Variants in SPTSSB observed in about 807,000 individuals in gnomAD.
SPTSSB encodes androgen down regulated in mouse prostate.
In SPTSSB, 6 loss-of-function variants were observed where a neutral mutation model predicts 7.7. The ratio of observed to expected loss-of-function variants is 0.78; its 90% CI spans 0.43 to 1.54. The LOEUF is 1.54. Ranked by LOEUF, SPTSSB falls within the 40% of genes most tolerant of loss-of-function variation. SPTSSB has a pLI of 0.01. For synonymous variants in SPTSSB, 28 were observed against 29.7 expected (o/e 0.94, Z 0.19); for missense variants, 91 against 93.0 (o/e 0.98, Z 0.09).
intron 1 of SPTSSB, among the ~76,000 whole-genome samples, chr3:161,368,429 C>T (rs1715307632): frequency 7.4e-6 from 1 of 134,792 alleles, no homozygotes; most frequent in Non-Finnish European, 1.6e-5. Context: ...ATCTTACCTT[C>T]TTTTTTTTTT....
At chr3:161,369,031 G>C (rs1293107682) in intron 1 of SPTSSB, among the ~76,000 whole-genome samples, 1 of 152,150 alleles carries the variant, frequency 6.6e-6, no homozygotes, top group Non-Finnish European at 1.5e-5. Context: ...GAACATTTGT[G>C]TACAGTTCTT....
Position 161,344,869 on chromosome 3 carries a change from C to T in SPTSSB, c.*1224G>A, listed in dbSNP as rs1714135001. The T allele has an allele frequency of 6.6e-6, 1 of 152,566 alleles. No homozygotes were observed. Among genetic ancestry groups the T allele is most frequent in the Non-Finnish European group, 1.5e-5 (1 of 68,000 alleles). The allele number at this position is 152,566 out of a possible 1,614,324, so 9.5% of individuals were successfully genotyped here. A position where few individuals can be genotyped will look rare whatever the true frequency, so the allele number is the denominator to read the frequency against. On this transcript the variant is annotated 3_prime_UTR_variant, in exon 3 of 3. Transcript: ENST00000620149. ...GTTCAGATCTGGTTTCTCTTCAAAA[C>T]ATGTGTTTGTTTTTTTAACAAACAT...
At chr3:161,366,306 T>C (rs1715216362) in intron 1 of SPTSSB, among the ~76,000 whole-genome samples, 1 of 152,246 alleles carries the variant, frequency 6.6e-6, no homozygotes, top group African/African-American at 2.4e-5. Context: ...TGCAGTGATT[T>C]ACATAGGTTG....
intron 1 of SPTSSB, among the ~76,000 whole-genome samples, chr3:161,363,699 G>A (rs1415236472): frequency 1.3e-5 from 2 of 152,048 alleles, no homozygotes; most frequent in Non-Finnish European, 2.9e-5. Context: ...TGTAGTCAAA[G>A]TATGTATTTA....
chr3:161,359,626 T>A (rs534543440), intron 2 of SPTSSB, 176 bp downstream of exon 2: 1 of 632,114 alleles, frequency 1.6e-6, no homozygotes, highest in African/African-American at 2.0e-5. Flanking sequence ...TTACTAGAGC[T>A]AATTGCCCCA....
At chr3:161,368,825 T>C (rs1412868384) in intron 1 of SPTSSB, among the ~76,000 whole-genome samples, 2 of 152,260 alleles carry the variant, frequency 1.3e-5, no homozygotes, top group African/African-American at 4.8e-5. Flanking sequence ...TCATATAGTA[T>C]GTGGTCTTCT....
chr3:161,345,097 T>A lies in SPTSSB; in HGVS notation c.*996A>T, dbSNP rs927718547. Reference sequence around the variant, plus strand: ...ATTCACATTTGCTTCAGCAGTATAATTAAAACCTTATATTTGTTTTAAAGA... The same window carrying A: ...ATTCACATTTGCTTCAGCAGTATAAATAAAACCTTATATTTGTTTTAAAGA... On this transcript the variant is annotated 3_prime_UTR_variant, in exon 3 of 3. Transcript: ENST00000620149. 1 of 152,656 alleles carries A rather than the reference T, an allele frequency of 6.6e-6. No individual in the cohort carries two copies. 9.5% of individuals were successfully genotyped at this position (152,656 alleles called of 1,614,324 possible). A position where few individuals can be genotyped will look rare whatever the true frequency, so the allele number is the denominator to read the frequency against.
chr3:161,360,932 A>G (rs2108164758), intron 1 of SPTSSB, among the ~76,000 whole-genome samples: 1 of 152,334 alleles, frequency 6.6e-6, no homozygotes, highest in Middle Eastern at 3.4e-3. Context: ...TAAGCGGTCC[A>G]ATATTCTTAC....
rs756557030 is a variant in SPTSSB at position 161,369,302 on chromosome 3, C to CTT, written c.-126+2131_-126+2132dup. 7.4e-4 allele frequency among the ~76,000 whole-genome samples: 43 copies of CTT among 57,770 alleles called. 1 individual carries two copies. The highest frequency in any genetic ancestry group is 4.6e-3 in the African/African-American group (39 of 8,546). The allele number at this position is 57,770 out of a possible 152,430, so 37.9% of individuals were successfully genotyped here. On this transcript the variant is annotated intron_variant, in intron 1 of 2. Coordinates refer to ENST00000620149, the MANE Select transcript of SPTSSB (RefSeq NM_001040100.2). ...CTTTCTTTCTTTTCTTTCTTTCTTTCTTTCTTTCTTTCTCTTTCTTTCTTT... is the reference window on the plus strand; with the variant it reads ...CTTTCTTTCTTTTCTTTCTTTCTTTCTTTTTCTTTCTTTCTCTTTCTTTCTTT...
intron 1 of SPTSSB, among the ~76,000 whole-genome samples, chr3:161,365,621 T>C (rs1310728924): frequency 6.6e-6 from 1 of 152,242 alleles, no homozygotes; most frequent in Non-Finnish European, 1.5e-5. Context: ...TCAATCAAAA[T>C]TTGTTGAATG....
intron 2 of SPTSSB, among the ~76,000 whole-genome samples, chr3:161,357,672 A>G (rs923769535): frequency 2.0e-5 from 3 of 152,208 alleles, no homozygotes; most frequent in Admixed American, 2.0e-4. Flanking sequence ...AAAAAAGAGC[A>G]TCCTGTATTA....
At chr3:161,360,469 C>T (rs933230041) in intron 1 of SPTSSB, among the ~76,000 whole-genome samples, 1 of 152,044 alleles carries the variant, frequency 6.6e-6, no homozygotes, top group Non-Finnish European at 1.5e-5. Flanking sequence ...CAGTCTTTTT[C>T]CTCATATATA....
intron 1 of SPTSSB, among the ~76,000 whole-genome samples, chr3:161,361,739 T>G (rs113313107): frequency 1.3e-5 from 2 of 152,180 alleles, no homozygotes; most frequent in Non-Finnish European, 2.9e-5. Context: ...TGCATTTTAT[T>G]TCCTCTTATC....
At position 161,345,991 on chromosome 3, in the gene SPTSSB, T is replaced by C; in HGVS notation, c.*102A>G. On this transcript the variant is annotated 3_prime_UTR_variant, in exon 3 of 3. Coordinates refer to ENST00000620149, the MANE Select transcript of SPTSSB (RefSeq NM_001040100.2). ...TAAGAGTGCATAGAGAAGAGAGTGC[T>C]TTTCAGGTCAGATAGTGAAGGAAGA... 1.5e-6 allele frequency: 1 copy of C among 665,798 alleles called. No homozygotes were observed. The highest frequency in any genetic ancestry group is 1.8e-5 in the South Asian group (1 of 55,756). 41.2% of individuals were successfully genotyped at this position (665,798 alleles called of 1,614,324 possible).
rs1553804940 is a variant in SPTSSB, at chr3:161,369,314, CTCTTTCTTTCTTTCTT to C, written c.-126+2105_-126+2120del. 9.1e-5 allele frequency among the ~76,000 whole-genome samples: 6 copies of C among 65,726 alleles called. 1 individual carries two copies. The highest frequency in any genetic ancestry group is 3.6e-4 in the Admixed American group (2 of 5,504). The allele number at this position is 65,726 out of a possible 152,430, so 43.1% of individuals were successfully genotyped here. A position where few individuals can be genotyped will look rare whatever the true frequency, so the allele number is the denominator to read the frequency against. ...TCTTTCTTTCTTTCTTTCTTTCTTT[CTCTTTCTTTCTTTCTT>C]TCTTTCTTTCTTTCTTTCTTTCTCT... On this transcript the variant is annotated intron_variant, in intron 1 of 2. Transcript: ENST00000620149.
chr3:161,369,898 T>C (rs1196452222), intron 1 of SPTSSB, among the ~76,000 whole-genome samples: 1 of 152,194 alleles, frequency 6.6e-6, no homozygotes, highest in African/African-American at 2.4e-5. Context: ...ATATAAGAGA[T>C]TGTCTTGAAT....
intron 1 of SPTSSB, among the ~76,000 whole-genome samples, chr3:161,366,019 T>C (rs1715203053): frequency 6.6e-6 from 1 of 152,210 alleles, no homozygotes; most frequent in Non-Finnish European, 1.5e-5. Context: ...GTTCTCTCTT[T>C]ACCTGGGCAT....
chr3:161,367,837 T>G lies in SPTSSB; in HGVS notation c.-126+3598A>C, dbSNP rs147963255. 4.4e-3 allele frequency among the ~76,000 whole-genome samples: 663 copies of G among 152,318 alleles called. 4 individuals carry two copies. The highest frequency in any genetic ancestry group is 0.015 in the African/African-American group (636 of 41,570). On this transcript the variant is annotated intron_variant, in intron 1 of 2. Coordinates refer to ENST00000620149, the MANE Select transcript of SPTSSB (RefSeq NM_001040100.2). Reference sequence around the variant, plus strand: ...CACTTTTGGCTGAGATCCAGGTACCTTCCTCTCTCACCCAATGTGGGCCTG... The same window carrying G: ...CACTTTTGGCTGAGATCCAGGTACCGTCCTCTCTCACCCAATGTGGGCCTG...
At chr3:161,362,087 G>A (rs1481132442) in intron 1 of SPTSSB, among the ~76,000 whole-genome samples, 2 of 152,064 alleles carry the variant, frequency 1.3e-5, no homozygotes, top group African/African-American at 2.4e-5. Flanking sequence ...GCTCTCCATC[G>A]CAGAGTAGAC....
Sources: gnomAD v4.1 joint callset for allele counts (sites outside exome capture counted in the v4.1 genomes callset) on GRCh38, gnomAD v4.1.1 for gene constraint, MANE v1.5 for transcripts, NCBI Gene and HGNC (gene_info 2026-07-23, HGNC 2026-07-21) for gene names.